INPP4B: variants seen among roughly 807,000 people sequenced by gnomAD.
INPP4B encodes inositol polyphosphate-4-phosphatase type II B.
INPP4B carries 55 observed loss-of-function variants against 122.5 expected under a neutral mutation model. The observed-to-expected ratio is 0.45, with a 90% CI of 0.36 to 0.56. INPP4B has a LOEUF of 0.56. Among genes scored for constraint, INPP4B ranks in the 20% least tolerant of loss-of-function variants. The probability of loss-of-function intolerance (pLI) is 0.00; values close to 1 mark genes in which losing one functional copy is unlikely to be tolerated. For missense variants in INPP4B, 1,000 were observed against 1,097.7 expected, an observed-to-expected ratio of 0.91 and a Z score of 1.26; for synonymous variants, 403 against 388.7, an observed-to-expected ratio of 1.04 and a Z score of -0.43.
rs17015430 is a variant in INPP4B at position 142,077,824 on chromosome 4, T to C, written c.2642+4207A>G. 4.8e-3 allele frequency among the ~76,000 whole-genome samples: 725 copies of C among 152,120 alleles called. 11 individuals are homozygous for C. Among genetic ancestry groups the C allele is most frequent in the African/African-American group, 0.016 (654 of 41,544 alleles). Reference sequence around the variant, plus strand: ...GGATAGACATACCAGGTTTATAGTCTTGTCATAATGTCATTAAAATCAATT... The same window carrying C: ...GGATAGACATACCAGGTTTATAGTCCTGTCATAATGTCATTAAAATCAATT... On this transcript the variant is annotated intron_variant, in intron 25 of 25. Coordinates refer to ENST00000262992, the MANE Select transcript of INPP4B (RefSeq NM_001101669.3).
intron 21 of INPP4B, among the ~76,000 whole-genome samples, chr4:142,116,513 C>A (rs1036109556): frequency 2.0e-5 from 3 of 152,142 alleles, no homozygotes; most frequent in Admixed American, 6.6e-5. Flanking sequence ...GAAACTCACT[C>A]AAAACTGCTT....
chr4:142,659,646 C>T (rs187125531), intron 2 of INPP4B, among the ~76,000 whole-genome samples: 3 of 152,208 alleles, frequency 2.0e-5, no homozygotes, highest in Admixed American at 1.3e-4. Context: ...TCAAATCCTG[C>T]CAGGTGATGG....
intron 2 of INPP4B, among the ~76,000 whole-genome samples, chr4:142,674,323 C>A (rs1243583304): frequency 6.6e-6 from 1 of 152,084 alleles, no homozygotes. Context: ...TGCATGCATC[C>A]CATCTCTAGA....
chr4:142,364,478 C>T (rs1786670458), intron 7 of INPP4B, among the ~76,000 whole-genome samples: 1 of 151,996 alleles, frequency 6.6e-6, no homozygotes, highest in South Asian at 2.1e-4. Context: ...TATTGGGGTT[C>T]TAGCATTTCA....
intron 11 of INPP4B, among the ~76,000 whole-genome samples, chr4:142,242,596 C>G (rs1411925319): frequency 6.6e-6 from 1 of 152,156 alleles, no homozygotes; most frequent in African/African-American, 2.4e-5. Context: ...AACCCATACT[C>G]TATTCCACTC....
chr4:142,277,652 G>A (rs565626514), intron 9 of INPP4B, among the ~76,000 whole-genome samples: 2 of 145,302 alleles, frequency 1.4e-5, no homozygotes, highest in Non-Finnish European at 3.0e-5. Context: ...TCAATGGGTG[G>A]ATAAAGAAAA....
chr4:142,337,936 A>G (rs1463075354), intron 7 of INPP4B, among the ~76,000 whole-genome samples: 2 of 151,616 alleles, frequency 1.3e-5, no homozygotes, highest in Non-Finnish European at 2.9e-5. Context: ...GGGAAAAAGG[A>G]GTATATAATT....
chr4:142,341,261 C>T (rs1778602931), intron 7 of INPP4B, among the ~76,000 whole-genome samples: 1 of 152,030 alleles, frequency 6.6e-6, no homozygotes, highest in Non-Finnish European at 1.5e-5. Flanking sequence ...CATGATGCAA[C>T]ATGCACATAT....
chr4:142,820,671 G>A (rs1029238844), intron 1 of INPP4B, among the ~76,000 whole-genome samples: 3 of 151,990 alleles, frequency 2.0e-5, no homozygotes, highest in Admixed American at 1.3e-4. Flanking sequence ...TGTATACAAA[G>A]GCAGAACTTT....
chr4:142,124,550 G>A lies in INPP4B; in HGVS notation c.1893+38C>T, dbSNP rs750117808. The A allele has an allele frequency of 2.0e-5, 31 of 1,549,474 alleles. No individual in the cohort carries two copies. In the Admixed American group the frequency reaches 3.4e-4, roughly 17 times the overall value. On this transcript the variant is annotated intron_variant, in intron 19 of 25. Coordinates refer to ENST00000262992, the MANE Select transcript of INPP4B (RefSeq NM_001101669.3). ...ATCAAGGATAGGATGTTAACAATCCGGCATTGTTTTGTACTAACAATAACA... is the reference window on the plus strand; with the variant it reads ...ATCAAGGATAGGATGTTAACAATCCAGCATTGTTTTGTACTAACAATAACA...
At chr4:142,540,337 T>G (rs1420477080) in intron 2 of INPP4B, among the ~76,000 whole-genome samples, 1 of 151,774 alleles carries the variant, frequency 6.6e-6, no homozygotes, top group East Asian at 1.9e-4. Context: ...TTGGGGTTTT[T>G]TTTTTTCACC....
intron 2 of INPP4B, among the ~76,000 whole-genome samples, chr4:142,679,733 G>C (rs1394015116): frequency 6.6e-6 from 1 of 151,662 alleles, no homozygotes; most frequent in Non-Finnish European, 1.5e-5. Context: ...CTAGCAGAGA[G>C]TACTCTCTAT....
rs1319182103 is a variant in INPP4B, at chr4:142,188,514, A to ATATATATATAT, written c.1181+4572_1181+4573insATATATATATA. ...AAAAAAAAAAAAAAAAAAAAAAGAA[A>ATATATATATAT]AAAAATATATATAGCTTGACTTATG... On this transcript the variant is annotated intron_variant, in intron 15 of 25. Transcript: ENST00000262992. 7.5e-4 allele frequency among the ~76,000 whole-genome samples: 87 copies of ATATATATATAT among 116,256 alleles called. 1 individual carries two copies. Among genetic ancestry groups the ATATATATATAT allele is most frequent in the African/African-American group, 1.6e-3 (47 of 29,810 alleles). 76.3% of individuals were successfully genotyped at this position (116,256 alleles called of 152,430 possible). A position where few individuals can be genotyped will look rare whatever the true frequency, so the allele number is the denominator to read the frequency against.
At chr4:142,029,286 C>G (rs920563559) in intron 25 of INPP4B, 3 of 987,890 alleles carry the variant, frequency 3.0e-6, no homozygotes, top group Non-Finnish European at 3.6e-6. Flanking sequence ...CTATATGTAG[C>G]CCTAAGGATG....
intron 2 of INPP4B, among the ~76,000 whole-genome samples, chr4:142,657,186 G>A (rs781539871): frequency 9.2e-5 from 14 of 152,076 alleles, no homozygotes; most frequent in East Asian, 5.8e-4. Context: ...AAAAACAAGC[G>A]CTTGGATCTA....
chr4:142,341,373 T>C (rs1012771427), intron 7 of INPP4B, among the ~76,000 whole-genome samples: 1 of 152,226 alleles, frequency 6.6e-6, no homozygotes, highest in Non-Finnish European at 1.5e-5. Context: ...GACATAAAGT[T>C]ATATTTGCAT....
intron 25 of INPP4B, among the ~76,000 whole-genome samples, chr4:142,070,635 A>G (rs775132715): frequency 3.9e-5 from 6 of 152,234 alleles, no homozygotes; most frequent in Admixed American, 6.5e-5. Context: ...CAACTTCAGC[A>G]AAGTCTCAAG....
rs144532662 is a variant in INPP4B, at chr4:142,484,233, T to C, written c.-190-21507A>G. Among the ~76,000 whole-genome samples the C allele has an allele frequency of 2.1e-4, 32 of 152,130 alleles. No individual in the cohort carries two copies. The East Asian group carries it at 5.8e-3, about 28-fold the overall frequency. On this transcript the variant is annotated intron_variant, in intron 2 of 25. Transcript: ENST00000262992. ...AAGATAACTTACCAATTAATACAGA[T>C]TTGCTCAACAAATCTCAAAGTATCA... is the stretch of plus-strand genomic sequence containing the variant.
chr4:142,407,913 TATC>T (rs1803778996), intron 5 of INPP4B, among the ~76,000 whole-genome samples: 1 of 152,196 alleles, frequency 6.6e-6, no homozygotes, highest in Admixed American at 6.5e-5. Context: ...AGTTTACTAA[TATC>T]ATACTAATAT....
Sources: gnomAD v4.1 joint callset for allele counts (sites outside exome capture counted in the v4.1 genomes callset) on GRCh38, gnomAD v4.1.1 for gene constraint, MANE v1.5 for transcripts, NCBI Gene and HGNC (gene_info 2026-07-23, HGNC 2026-07-21) for gene names.